The following BCAR3 variants were observed in gnomAD, a reference collection of about 807,000 sequenced individuals.
BCAR3 encodes the protein breast cancer anti-estrogen resistance protein 3.
Under a neutral mutation model 80.1 loss-of-function variants are expected in BCAR3, and 37 were observed. The observed-to-expected ratio is 0.46, with a 90% CI of 0.36 to 0.61. The LOEUF (loss-of-function observed/expected upper bound fraction) is 0.61, where lower values mean the gene tolerates loss of function less well. BCAR3 is among the 20% of genes least tolerant of loss of function. The pLI is 0.00. For synonymous variants in BCAR3, 389 were observed against 418.9 expected (o/e 0.93, Z 0.87); for missense variants, 978 against 1,068.2 (o/e 0.92, Z 1.18).
chr1:93,582,517 C>T lies in BCAR3; in HGVS notation c.1470G>A (p.Ala490=), dbSNP rs367863279. ...DDDRERPWEP[A]AAQMEKGQWD... is the part of the protein sequence containing the mutation. Reference sequence around the variant, plus strand: ...ACTGCCCCTTCTCCATCTGAGCTGCCGCAGGTTCCCAAGGTCTTTCCCTGT... The same window carrying T: ...ACTGCCCCTTCTCCATCTGAGCTGCTGCAGGTTCCCAAGGTCTTTCCCTGT... Residue 490 remains alanine (A), a synonymous_variant, in exon 7 of 12, where the codon GCG becomes GCA. Transcript: ENST00000260502. 3.0e-5 allele frequency: 48 copies of T among 1,613,866 alleles called. No homozygotes were observed. The highest frequency in any genetic ancestry group is 6.7e-5 in the Admixed American group (4 of 59,972).
At chr1:93,594,869 ACT>A (rs1210882031) in intron 3 of BCAR3, 2 of 152,072 alleles carry the variant, frequency 1.3e-5, no homozygotes, top group African/African-American at 4.8e-5. Context: ...ATGTCCTAAC[ACT>A]CAGCCACCTC....
intron 1 of BCAR3, among the ~76,000 whole-genome samples, chr1:93,679,164 A>C (rs1648634150): frequency 6.6e-6 from 1 of 152,218 alleles, no homozygotes; most frequent in Non-Finnish European, 1.5e-5. Context: ...CTATTTCATA[A>C]GATTGTTGTA....
At chr1:93,752,977 A>G (rs967805703) in intron 2 of BCAR3, 3 of 152,216 alleles carry the variant, frequency 2.0e-5, no homozygotes, top group Non-Finnish European at 4.4e-5. Flanking sequence ...TCTATTTGAT[A>G]TCTCACAGAT....
rs1464808859 is a variant in BCAR3, at chr1:93,801,629, C to T, written c.-63+43938G>A. ...TTAGGCTAAATGGTTTGTCAGTTCT[C>T]AAGCTTTTGCTTGGTCTGCAGCTGT... On this transcript the variant is annotated intron_variant, in intron 2 of 13. Coordinates refer to the BCAR3 transcript ENST00000370244. 2.0e-5 allele frequency among the ~76,000 whole-genome samples: 3 copies of T among 152,218 alleles called. No individual in the cohort carries two copies. The East Asian group carries it at 5.8e-4, about 29-fold the overall frequency.
At chr1:93,651,634 C>T (rs1484292876) in intron 2 of BCAR3, among the ~76,000 whole-genome samples, 2 of 152,172 alleles carry the variant, frequency 1.3e-5, no homozygotes, top group African/African-American at 4.8e-5. Flanking sequence ...CTACATTAGA[C>T]TGTATGTCCT....
intron 2 of BCAR3, among the ~76,000 whole-genome samples, chr1:93,816,108 G>T (rs891860551): frequency 6.6e-6 from 1 of 152,164 alleles, no homozygotes; most frequent in Non-Finnish European, 1.5e-5. Flanking sequence ...AATTCCAAGA[G>T]AGTGAGGACT....
At chr1:93,651,979 G>A (rs1676340341) in intron 2 of BCAR3, among the ~76,000 whole-genome samples, 2 of 152,226 alleles carry the variant, frequency 1.3e-5, no homozygotes, top group Non-Finnish European at 2.9e-5. Context: ...CTCTCTGGCA[G>A]TGAGGCCAAA....
intron 11 of BCAR3, among the ~76,000 whole-genome samples, chr1:93,565,448 G>C (rs1019915088): frequency 6.6e-6 from 1 of 152,176 alleles, no homozygotes; most frequent in African/African-American, 2.4e-5. Flanking sequence ...GCAGATCTCT[G>C]CCTTTCCTGG....
intron 2 of BCAR3, among the ~76,000 whole-genome samples, chr1:93,720,640 G>A (rs1650360338): frequency 6.6e-6 from 1 of 152,198 alleles, no homozygotes; most frequent in African/African-American, 2.4e-5. Context: ...AACTCCTACT[G>A]CCTTTGTTCC....
At chr1:93,833,916 T>C (rs999648340) in intron 2 of BCAR3, among the ~76,000 whole-genome samples, 4 of 152,136 alleles carry the variant, frequency 2.6e-5, no homozygotes, top group Admixed American at 6.5e-5. Context: ...AGACTATTGA[T>C]TGGGGAAGTG....
At chr1:93,737,857 G>A (rs1651030497) in intron 2 of BCAR3, among the ~76,000 whole-genome samples, 1 of 151,936 alleles carries the variant, frequency 6.6e-6, no homozygotes, top group Non-Finnish European at 1.5e-5. Flanking sequence ...TTTCAAGATG[G>A]GCTCTTGCTC....
chr1:93,664,361 C>T (rs1647799964), intron 2 of BCAR3, among the ~76,000 whole-genome samples: 1 of 152,172 alleles, frequency 6.6e-6, no homozygotes, highest in African/African-American at 2.4e-5. Flanking sequence ...TCAGGTGATC[C>T]GCCCACCTCG....
intron 2 of BCAR3, among the ~76,000 whole-genome samples, chr1:93,823,810 C>T (rs546896330): frequency 7.4e-6 from 1 of 134,504 alleles, no homozygotes; most frequent in Admixed American, 7.7e-5. Context: ...AGCCATTCTT[C>T]TGCCTCAGCC....
intron 2 of BCAR3, among the ~76,000 whole-genome samples, chr1:93,784,639 G>A (rs892658800): frequency 2.0e-5 from 3 of 152,224 alleles, no homozygotes; most frequent in Admixed American, 6.5e-5. Flanking sequence ...TGAAGACTGC[G>A]CAGCCAAATG....
At chr1:93,572,462 C>A (rs1012922091) in intron 8 of BCAR3, among the ~76,000 whole-genome samples, 1 of 152,120 alleles carries the variant, frequency 6.6e-6, no homozygotes, top group Non-Finnish European at 1.5e-5. Context: ...AAGGCCAGAC[C>A]CTAATAAAAT....
intron 3 of BCAR3, among the ~76,000 whole-genome samples, chr1:93,639,937 C>G (rs149857552): frequency 8.5e-5 from 13 of 152,174 alleles, no homozygotes; most frequent in Middle Eastern, 3.4e-3. Context: ...CAAAATGGAT[C>G]CTAAAATTTG....
intron 2 of BCAR3, among the ~76,000 whole-genome samples, chr1:93,764,878 T>C (rs1490100863): frequency 6.6e-6 from 1 of 152,172 alleles, no homozygotes; most frequent in Non-Finnish European, 1.5e-5. Flanking sequence ...AGGTTTCCTC[T>C]TGCCCGGTCT....
At chr1:93,769,312 G>A (rs1172183565) in intron 2 of BCAR3, among the ~76,000 whole-genome samples, 4 of 150,540 alleles carry the variant, frequency 2.7e-5, no homozygotes, top group Admixed American at 2.0e-4. Context: ...GAGCCAAGTT[G>A]GACACAGGTG....
At chr1:93,781,962 C>A (rs546476422) in intron 2 of BCAR3, among the ~76,000 whole-genome samples, 1 of 152,296 alleles carries the variant, frequency 6.6e-6, no homozygotes, top group Admixed American at 6.5e-5. Flanking sequence ...CAAACAGGAG[C>A]TGCTGGAACC....
Sources: gnomAD v4.1 joint callset for allele counts (sites outside exome capture counted in the v4.1 genomes callset) on GRCh38, gnomAD v4.1.1 for gene constraint, MANE v1.5 for transcripts, NCBI Gene and HGNC (gene_info 2026-07-23, HGNC 2026-07-21) for gene names.